Variants in NAALADL2 observed in about 807,000 individuals in gnomAD.
NAALADL2 encodes inactive N-acetylated-alpha-linked acidic dipeptidase-like protein 2.
In NAALADL2, 76 loss-of-function variants were observed where a neutral mutation model predicts 87.2. The ratio of observed to expected loss-of-function variants is 0.87; its 90% CI spans 0.72 to 1.05. The LOEUF (loss-of-function observed/expected upper bound fraction) is 1.05. Among genes scored for constraint, NAALADL2 ranks in the 50% least tolerant of loss-of-function variants. The pLI, the probability that NAALADL2 is intolerant of heterozygous loss-of-function variation, is 0.00. For missense variants in NAALADL2, 1,089 were observed against 945.8 expected (o/e 1.15, Z -1.99); for synonymous variants, 354 against 331.0 (o/e 1.07, Z -0.75).
Position 175,410,847 on chromosome 3 carries a change from C to T in NAALADL2, c.1091-36382C>T, listed in dbSNP as rs866974595. 5.9e-5 allele frequency among the ~76,000 whole-genome samples: 9 copies of T among 152,104 alleles called. No individual in the cohort carries two copies. The Middle Eastern group carries it at 0.01, about 172-fold the overall frequency. ...GGTTACGATGCTGTGAAAGAACAAA[C>T]GTGAAAAAGTGGACAGACGCCCTCT... On this transcript the variant is annotated intron_variant, in intron 5 of 13. Coordinates refer to ENST00000454872, the MANE Select transcript of NAALADL2 (RefSeq NM_207015.3).
intron 2 of NAALADL2, among the ~76,000 whole-genome samples, chr3:175,190,994 A>AG (rs1738103788): frequency 6.7e-6 from 1 of 149,486 alleles, no homozygotes; most frequent in Admixed American, 6.6e-5. Flanking sequence ...AAAAAAAAAA[A>AG]AAAAGAAAAA....
At chr3:174,649,683 C>T (rs1160267439) in intron 2 of NAALADL2, among the ~76,000 whole-genome samples, 4 of 152,048 alleles carry the variant, frequency 2.6e-5, no homozygotes, top group African/African-American at 9.7e-5. Flanking sequence ...GAAAGAACAG[C>T]AGAAAGAAAT....
chr3:175,683,079 GA>G (rs1735806686), intron 11 of NAALADL2, among the ~76,000 whole-genome samples: 1 of 151,966 alleles, frequency 6.6e-6, no homozygotes, highest in Non-Finnish European at 1.5e-5. Flanking sequence ...ACAAGAAACA[GA>G]AAATTGTGAG....
chr3:174,937,551 G>T (rs989118554), intron 1 of NAALADL2, among the ~76,000 whole-genome samples: 2 of 151,990 alleles, frequency 1.3e-5, no homozygotes, highest in African/African-American at 4.8e-5. Context: ...GGAGCTATTT[G>T]TATCTTTCAG....
rs187966431 is a variant in NAALADL2 at position 175,722,291 on chromosome 3, T to C, written c.1897-15015T>C. On this transcript the variant is annotated intron_variant, in intron 11 of 13. Coordinates refer to ENST00000454872, the MANE Select transcript of NAALADL2 (RefSeq NM_207015.3). ...ACCTTTTGGGAATTATAAATGTATA[T>C]TTAAGTTATATATTTCACAAGTATG... Among the ~76,000 whole-genome samples the C allele has an allele frequency of 1.5e-4, 23 of 152,250 alleles. No individual in the cohort carries two copies. In the East Asian group the frequency reaches 4.1e-3, roughly 27 times the overall value.
At chr3:174,726,254 T>G (rs1392946493) in intron 2 of NAALADL2, among the ~76,000 whole-genome samples, 1 of 152,028 alleles carries the variant, frequency 6.6e-6, no homozygotes, top group African/African-American at 2.4e-5. Flanking sequence ...AGCGCTATGA[T>G]GAAAAAACAC....
At chr3:175,025,048 A>G (rs1319664489) in intron 1 of NAALADL2, among the ~76,000 whole-genome samples, 1 of 152,176 alleles carries the variant, frequency 6.6e-6, no homozygotes, top group Non-Finnish European at 1.5e-5. Flanking sequence ...CTGCATATCA[A>G]AAATTGAACT....
intron 4 of NAALADL2, among the ~76,000 whole-genome samples, chr3:175,313,010 C>T (rs1260277912): frequency 6.6e-6 from 1 of 152,120 alleles, no homozygotes. Context: ...ATTATTTTCT[C>T]ACAGTTTGGA....
intron 1 of NAALADL2, among the ~76,000 whole-genome samples, chr3:174,497,674 A>G (rs1044904858): frequency 5.9e-5 from 9 of 151,988 alleles, no homozygotes; most frequent in African/African-American, 2.2e-4. Context: ...GATGGTGGAG[A>G]CTCAGTCTTA....
chr3:174,520,098 A>C (rs774634827), intron 1 of NAALADL2, among the ~76,000 whole-genome samples: 1 of 152,222 alleles, frequency 6.6e-6, no homozygotes, highest in East Asian at 1.9e-4. Context: ...TTCCTTGCTC[A>C]TGAATTGGAA....
intron 9 of NAALADL2, among the ~76,000 whole-genome samples, chr3:175,499,589 T>C (rs1361635380): frequency 6.6e-6 from 1 of 152,006 alleles, no homozygotes; most frequent in Non-Finnish European, 1.5e-5. Flanking sequence ...AGTTCTAGGG[T>C]TTCAGTATGA....
At chr3:174,519,634 G>T (rs1433462567) in intron 1 of NAALADL2, among the ~76,000 whole-genome samples, 1 of 151,174 alleles carries the variant, frequency 6.6e-6, no homozygotes, top group Non-Finnish European at 1.5e-5. Flanking sequence ...CCTGGCCAGG[G>T]TTTTTTTTAA....
intron 3 of NAALADL2, among the ~76,000 whole-genome samples, chr3:174,842,571 A>G (rs1724147565): frequency 6.6e-6 from 1 of 152,214 alleles, no homozygotes. Context: ...ACATCTATGC[A>G]CACTCTAATT....
At chr3:175,462,997 C>T (rs544071105) in intron 6 of NAALADL2, among the ~76,000 whole-genome samples, 1 of 152,184 alleles carries the variant, frequency 6.6e-6, no homozygotes, top group South Asian at 2.1e-4. Context: ...TGTTCTTTAT[C>T]TGAAAATAGA....
At chr3:175,571,152 T>G (rs575478241) in intron 9 of NAALADL2, among the ~76,000 whole-genome samples, 3 of 152,226 alleles carry the variant, frequency 2.0e-5, no homozygotes, top group African/African-American at 7.2e-5. Flanking sequence ...TTAATTTTTT[T>G]ATCTTACATG....
intron 5 of NAALADL2, among the ~76,000 whole-genome samples, chr3:175,436,384 T>A (rs1189344625): frequency 6.7e-6 from 1 of 148,938 alleles, no homozygotes; most frequent in Non-Finnish European, 1.5e-5. Context: ...GATGGCTGGG[T>A]CAAATGGTAT....
intron 11 of NAALADL2, among the ~76,000 whole-genome samples, chr3:175,653,854 T>G (rs1731104161): frequency 6.6e-6 from 1 of 152,124 alleles, no homozygotes; most frequent in South Asian, 2.1e-4. Context: ...GAGGCTGAAT[T>G]AGAGATGTTG....
chr3:175,223,978 T>A (rs571291447), intron 2 of NAALADL2, among the ~76,000 whole-genome samples: 1 of 152,306 alleles, frequency 6.6e-6, no homozygotes, highest in South Asian at 2.1e-4. Flanking sequence ...CATATTACAA[T>A]GTTGAAACTG....
In NAALADL2 at chr3:175,345,118, C is replaced by T. The variant is rs1047458791; in HGVS notation, c.1090+20793C>T. 3.2e-4 allele frequency among the ~76,000 whole-genome samples: 16 copies of T among 50,116 alleles called. 2 individuals are homozygous for T. The highest frequency in any genetic ancestry group is 1.6e-3 in the Admixed American group (7 of 4,356). 32.9% of individuals were successfully genotyped at this position (50,116 alleles called of 152,430 possible). On this transcript the variant is annotated intron_variant, in intron 5 of 13. Transcript: ENST00000454872. ...TAGGCTAGTCAGTCATACATTATTA[C>T]CACCATTTTGAAAAAAATAAAAATT...
Sources: allele counts gnomAD v4.1 joint callset (sites outside exome capture counted in the v4.1 genomes callset), GRCh38; gene constraint gnomAD v4.1.1; transcripts MANE v1.5; gene names NCBI Gene and HGNC (gene_info 2026-07-23, HGNC 2026-07-21).